FAM83G: variants seen among roughly 807,000 people sequenced by gnomAD.
The protein encoded by FAM83G is scaffolding CK1 anchoring protein G, also known as protein FAM83G.
A neutral mutation model predicts 61.5 loss-of-function variants in FAM83G; 38 were observed. That is an observed-to-expected ratio of 0.62 (90% CI 0.48 to 0.81). The LOEUF (loss-of-function observed/expected upper bound fraction) is 0.81. Among genes scored for constraint, FAM83G ranks in the 30% least tolerant of loss-of-function variants. The pLI is 0.00. For synonymous variants in FAM83G, 470 were observed against 476.1 expected (o/e 0.99, Z 0.17); for missense variants, 989 against 1,133.6 (o/e 0.87, Z 1.83).
chr17:18,971,237 C>T lies in FAM83G; in HGVS notation c.*122G>A, dbSNP rs368621902. Reference sequence around the variant, plus strand: ...CGACCAGGTGAGTGCCAACGTCTCCCGCCCATCCCACCTTCCTGCCGTCCC... The same window carrying T: ...CGACCAGGTGAGTGCCAACGTCTCCTGCCCATCCCACCTTCCTGCCGTCCC... On this transcript the variant is annotated 3_prime_UTR_variant, in exon 6 of 6. Coordinates refer to ENST00000388995, the MANE Select transcript of FAM83G (RefSeq NM_001039999.3). This position sits in a 1 kb window ranked among gnomAD's most constrained non-coding sequence, Gnocchi z 5.5. 3.1e-5 allele frequency: 50 copies of T among 1,612,982 alleles called. No individual in the cohort carries two copies. The African/African-American group carries it at 5.3e-4, about 17-fold the overall frequency.
chr17:18,983,290 G>A (rs1463786463), intron 3 of FAM83G, among the ~76,000 whole-genome samples: 1 of 152,230 alleles, frequency 6.6e-6, no homozygotes, highest in Non-Finnish European at 1.5e-5. Flanking sequence ...GCATCACTAT[G>A]GCCATGGGGC....
rs1285692612 is a variant in FAM83G, at chr17:18,979,636, A to T, written c.728T>A (p.Phe243Tyr). Reference sequence around the variant, plus strand: ...CTTGAACTTGGTTGCCGACCGCGTGAAGAACTCAGTTCCCCCGCTGCTCCG... The same window carrying T: ...CTTGAACTTGGTTGCCGACCGCGTGTAGAACTCAGTTCCCCCGCTGCTCCG... ...RVRSSGGTEFFTRSATKFKGA... is the reference protein window; with the variant it reads ...RVRSSGGTEFYTRSATKFKGA... The change falls in exon 4 of 6, where the codon TTC (phenylalanine) becomes TAC (tyrosine). Residue 243 changes from phenylalanine (F) to tyrosine (Y), a missense_variant. Physicochemically the swap from Phe to Tyr is conservative, Grantham distance 22 (BLOSUM62 3). This residue lies in a region of FAM83G where 371 missense variants were observed against 404.5 expected (regional missense o/e 0.92). Coordinates refer to ENST00000388995, the MANE Select transcript of FAM83G (RefSeq NM_001039999.3). The T allele has an allele frequency of 6.2e-7, 1 of 1,613,568 alleles. No individual in the cohort carries two copies. The highest frequency in any genetic ancestry group is 1.3e-5 in the African/African-American group (1 of 75,046).
intron 3 of FAM83G, among the ~76,000 whole-genome samples, chr17:18,982,012 C>T (rs371373368): frequency 2.0e-5 from 3 of 152,330 alleles, no homozygotes; most frequent in Admixed American, 6.5e-5. Flanking sequence ...CCTGGAAAAT[C>T]GGCCGCCAGC....
In FAM83G at chr17:18,978,005, A is replaced by T. The variant is rs758068919; in HGVS notation, c.1661T>A (p.Leu554His). The T allele has an allele frequency of 3.6e-5, 56 of 1,561,388 alleles. No individual in the cohort carries two copies. Among genetic ancestry groups the T allele is most frequent in the Non-Finnish European group, 4.8e-5 (55 of 1,153,084 alleles). Residue 554 changes from leucine to histidine, a missense_variant, in exon 5 of 6, where the codon CTC (leucine) becomes CAC (histidine). Leu to His is a moderately conservative substitution (Grantham distance 99, BLOSUM62 -3). This residue lies in a region of FAM83G where 574 missense variants were observed against 645.1 expected (regional missense o/e 0.89). Coordinates refer to ENST00000388995, the MANE Select transcript of FAM83G (RefSeq NM_001039999.3). ...CTGGGTCACAGATAGCTGCCGCTGG[A>T]GTGGGGCGTGGCCTGGGCCTGCCAT... ...PRMAGPGHAP[L>H]QRQLSVTQDD...
At position 18,971,123 on chromosome 17, in the gene FAM83G, C is replaced by A. The variant is rs747784877; in HGVS notation, c.*236G>T. 1 of 1,614,122 alleles carries A rather than the reference C, an allele frequency of 6.2e-7. No individual in the cohort carries two copies. The highest frequency in any genetic ancestry group is 8.5e-7 in the Non-Finnish European group (1 of 1,180,038). On this transcript the variant is annotated 3_prime_UTR_variant, in exon 6 of 6. Transcript: ENST00000388995. The surrounding 1 kb of genome is among the most constrained non-coding windows in gnomAD (Gnocchi z 5.5). ...CCACCTGCCACGTACAGACGCCATG[C>A]ACATGTTTCGAGACCCCCACACAGG...
chr17:18,989,298 C>T (rs1379760927), intron 2 of FAM83G, among the ~76,000 whole-genome samples: 1 of 152,190 alleles, frequency 6.6e-6, no homozygotes, highest in Non-Finnish European at 1.5e-5. Context: ...ACTACCCTGA[C>T]TTGTCAGAGA....
intron 3 of FAM83G, among the ~76,000 whole-genome samples, chr17:18,984,801 C>T (rs1240730181): frequency 6.6e-6 from 1 of 152,250 alleles, no homozygotes; most frequent in African/African-American, 2.4e-5. Context: ...TAGAGGGTGT[C>T]AGTGAAAGTT....
At position 19,003,762 on chromosome 17, in the gene FAM83G, C is replaced by T; in HGVS notation, c.280G>A (p.Gly94Arg). 2 of 1,609,072 alleles carry T rather than the reference C, an allele frequency of 1.2e-6. No individual in the cohort carries two copies. Among genetic ancestry groups the T allele is most frequent in the South Asian group, 2.2e-5 (2 of 90,918 alleles). ...TGPSQGPEDN[G>R]VGDGEEASGA... ...CTGGCTTCCTCGCCGTCGCCGACCC[C>T]ATTGTCCTCGGGCCCCTGAGAGGGG... The change falls in exon 2 of 6, where the codon GGG becomes AGG. Residue 94 changes from glycine to arginine, a missense_variant. By Grantham distance (125) the Gly-to-Arg change is moderately radical. Around this residue, in one of 3 missense-constraint regions of FAM83G, gnomAD observed 371 missense variants for 404.5 expected, o/e 0.92. Transcript: ENST00000388995. The surrounding 1 kb of genome is among the most constrained non-coding windows in gnomAD (Gnocchi z 4.5).
In FAM83G at chr17:18,996,399, A is replaced by G. The variant is rs1054161439; in HGVS notation, c.522+7121T>C. Among the ~76,000 whole-genome samples the G allele has an allele frequency of 6.6e-6, 1 of 151,970 alleles. No individual in the cohort carries two copies. The highest frequency in any genetic ancestry group is 1.5e-5 in the Non-Finnish European group (1 of 67,980). Reference sequence around the variant, plus strand: ...CTCCAGGGGGCTGGCAGAATTAGTGACATGCCATCTGAAGAGGCCCAAGAA... The same window carrying G: ...CTCCAGGGGGCTGGCAGAATTAGTGGCATGCCATCTGAAGAGGCCCAAGAA... On this transcript the variant is annotated intron_variant, in intron 2 of 5. Coordinates refer to ENST00000388995, the MANE Select transcript of FAM83G (RefSeq NM_001039999.3). The surrounding 1 kb of genome is among the most constrained non-coding windows in gnomAD (Gnocchi z 4.4).
At chr17:18,998,198 G>A (rs947485165) in intron 2 of FAM83G, among the ~76,000 whole-genome samples, 25 of 152,286 alleles carry the variant, frequency 1.6e-4, no homozygotes, top group African/African-American at 6.0e-4. Context: ...CCAGGGCACA[G>A]GGTGGGACCC....
chr17:18,986,907 C>T (rs2043283539), intron 3 of FAM83G, among the ~76,000 whole-genome samples: 1 of 152,228 alleles, frequency 6.6e-6, no homozygotes. Flanking sequence ...GAGCTATCTG[C>T]CACTGGAATC....
chr17:18,999,721 T>C (rs1181305526), intron 2 of FAM83G, among the ~76,000 whole-genome samples: 2 of 152,188 alleles, frequency 1.3e-5, no homozygotes, highest in East Asian at 1.9e-4. Context: ...AAATGTGGGG[T>C]GAATCAGGCT....
At chr17:18,977,018 G>C in intron 5 of FAM83G, 1 of 1,607,598 alleles carries the variant, frequency 6.2e-7, no homozygotes, top group Non-Finnish European at 8.5e-7. Flanking sequence ...ACTGAACCCA[G>C]GCTGCAGGGC....
At chr17:18,980,040 C>A (rs933176195) in intron 3 of FAM83G, among the ~76,000 whole-genome samples, 1 of 152,058 alleles carries the variant, frequency 6.6e-6, no homozygotes, top group South Asian at 2.1e-4. Context: ...GGGTCCTGAG[C>A]GGGAGGGTGA....
chr17:18,991,285 G>C (rs79961268), intron 2 of FAM83G, among the ~76,000 whole-genome samples: 11,688 of 152,166 alleles, frequency 0.077, 756 homozygotes, highest in African/African-American at 0.17. Flanking sequence ...GGCTTGGTCT[G>C]GGAATGACTG....
intron 3 of FAM83G, among the ~76,000 whole-genome samples, chr17:18,984,520 C>T (rs1403446518): frequency 6.6e-6 from 1 of 152,186 alleles, no homozygotes; most frequent in South Asian, 2.1e-4. Flanking sequence ...ACTTCCTCAC[C>T]GTGTGCCTTC....
At chr17:19,002,299 G>A (rs2043750574) in intron 2 of FAM83G, among the ~76,000 whole-genome samples, 1 of 152,032 alleles carries the variant, frequency 6.6e-6, no homozygotes, top group Admixed American at 6.6e-5. Context: ...GGGGCCAGGC[G>A]CCCCCACCCA....
Position 18,971,199 on chromosome 17 carries a change from G to T in FAM83G, c.*160C>A. 6.2e-7 allele frequency: 1 copy of T among 1,613,950 alleles called. No homozygotes were observed. On this transcript the variant is annotated 3_prime_UTR_variant, in exon 6 of 6. Coordinates refer to ENST00000388995, the MANE Select transcript of FAM83G (RefSeq NM_001039999.3). The surrounding 1 kb of genome is among the most constrained non-coding windows in gnomAD (Gnocchi z 5.5). ...TTTGGCCTGACCATCATGGCCACCT[G>T]GTACTGGTGCACCGACCAGGTGAGT...
upstream of FAM83G, among the ~76,000 whole-genome samples, chr17:19,005,152 G>A (rs1435044836): frequency 6.6e-6 from 1 of 152,220 alleles, no homozygotes; most frequent in East Asian, 1.9e-4. Context: ...TGTGGAAACA[G>A]GTCTAGGGTA....
Sources: allele counts gnomAD v4.1 joint callset (sites outside exome capture counted in the v4.1 genomes callset), GRCh38; gene constraint gnomAD v4.1.1; regional missense constraint gnomAD v4.1.1; non-coding constraint Gnocchi (gnomAD v3.1); transcripts MANE v1.5; gene names NCBI Gene and HGNC (gene_info 2026-07-23, HGNC 2026-07-21).